MICALL2: variants seen among roughly 807,000 people sequenced by gnomAD.
MICALL2 encodes MICAL-like protein 2.
A neutral mutation model predicts 91.1 loss-of-function variants in MICALL2; 111 were observed. The observed-to-expected ratio is 1.22, with a 90% CI of 1.04 to 1.43. The LOEUF is 1.43. Ranked by LOEUF, MICALL2 falls within the 40% of genes most tolerant of loss-of-function variation. MICALL2 has a pLI of 0.00. For missense variants in MICALL2, 1,556 were observed against 1,236.0 expected (o/e 1.26, Z -3.88); for synonymous variants, 694 against 525.3 (o/e 1.32, Z -4.39).
chr7:1,447,402 G>A (rs941942613), intron 4 of MICALL2, among the ~76,000 whole-genome samples, 173 bp downstream of exon 4: 4 of 152,174 alleles, frequency 2.6e-5, no homozygotes, highest in African/African-American at 9.7e-5. Flanking sequence ...GCTTGATGGA[G>A]CCCTGGAGAG....
chr7:1,439,756 G>A lies in MICALL2; in HGVS notation c.1966+169C>T, dbSNP rs1295234457. The A allele has an allele frequency of 2.9e-5, 14 of 489,202 alleles. 1 individual carries two copies. The highest frequency in any genetic ancestry group is 8.5e-5 in the Admixed American group (2 of 23,392). The allele number at this position is 489,202 out of a possible 1,614,324, so 30.3% of individuals were successfully genotyped here. A position where few individuals can be genotyped will look rare whatever the true frequency, so the allele number is the denominator to read the frequency against. ...ACATGCACACATGCATCACACACATGCACACATGTACACACAAGCCTGCCC... is the reference window on the plus strand; with the variant it reads ...ACATGCACACATGCATCACACACATACACACATGTACACACAAGCCTGCCC... On this transcript the variant is annotated intron_variant, in intron 9 of 16. Coordinates refer to ENST00000297508, the MANE Select transcript of MICALL2 (RefSeq NM_182924.4).
intron 5 of MICALL2, 65 bp from the exon 6 acceptor site, chr7:1,445,493 T>C (rs797019899): frequency 1.4e-6 from 2 of 1,402,080 alleles, no homozygotes; most frequent in South Asian, 1.5e-5. Flanking sequence ...ATTCACCACG[T>C]GCTCCTGATA....
chr7:1,453,028 C>T (rs937963287), intron 1 of MICALL2, among the ~76,000 whole-genome samples: 1 of 151,884 alleles, frequency 6.6e-6, no homozygotes. Context: ...GAGCTCACAC[C>T]CCCGGGGCCC....
At position 1,447,641 on chromosome 7, in the gene MICALL2, A is replaced by C. The variant is rs1421331672; in HGVS notation, c.459T>G (p.Ser153=). 6.3e-7 allele frequency: 1 copy of C among 1,597,010 alleles called. No homozygotes were observed. The highest frequency in any genetic ancestry group is 2.3e-5 in the East Asian group (1 of 44,282). ...GGACCACAGGGTTTGTCTGGGCTGG[A>C]GATAGTGGAGGCTTCCGGGCTGGGG... is the stretch of plus-strand genomic sequence containing the variant. ...SPAPARKPPL[S]PAQTNPVVQR... is the part of the protein sequence containing the mutation. Residue 153 remains serine (S), a synonymous_variant, in exon 4 of 17, where the codon TCT becomes TCG. Transcript: ENST00000297508.
intron 8 of MICALL2, 122 bp from the exon 9 acceptor site, chr7:1,440,207 C>T: frequency 1.7e-6 from 2 of 1,202,048 alleles, no homozygotes; most frequent in Non-Finnish European, 2.3e-6. Flanking sequence ...GAGCAAATGC[C>T]ACCTCCCAGC....
Position 1,446,815 on chromosome 7 carries a change from G to A in MICALL2, c.539C>T (p.Ala180Val), listed in dbSNP as rs75056037. 140,698 of 1,591,462 alleles carry A rather than the reference G, an allele frequency of 0.088. 7,496 individuals carry two copies. Among genetic ancestry groups the A allele is most frequent in the Admixed American group, 0.25 (14,450 of 58,348 alleles). ...GPPPKTDQAL[A>V]GSLVSSTCGV... is the part of the protein sequence containing the mutation. ...GCAGGTGCTGCTGACCAAGCTGCCCGCCAATGCCTGGTCCTGGGGAAGATG... is the reference window on the plus strand; with the variant it reads ...GCAGGTGCTGCTGACCAAGCTGCCCACCAATGCCTGGTCCTGGGGAAGATG... Residue 180 changes from alanine (A) to valine (V), a missense_variant, in exon 5 of 17, where the codon GCG becomes GTG. Physicochemically the swap from Ala to Val is moderately conservative, Grantham distance 64. Coordinates refer to ENST00000297508, the MANE Select transcript of MICALL2 (RefSeq NM_182924.4).
At chr7:1,454,224 C>T (rs1343375690) in intron 1 of MICALL2, among the ~76,000 whole-genome samples, 1 of 151,978 alleles carries the variant, frequency 6.6e-6, no homozygotes, top group African/African-American at 2.4e-5. Context: ...GAGGCACATC[C>T]AGCACATCAG....
intron 9 of MICALL2, chr7:1,439,541 G>T (rs376402241): frequency 7.2e-5 from 15 of 207,584 alleles, no homozygotes; most frequent in Admixed American, 7.2e-4. Flanking sequence ...ACATGGACAC[G>T]CATCACACAT....
At chr7:1,446,666 G>C (rs1780606919) in intron 5 of MICALL2, 47 bp downstream of exon 5, 3 of 1,414,132 alleles carry the variant, frequency 2.1e-6, no homozygotes, top group Middle Eastern at 4.8e-4. Context: ...GGAGGGTTCT[G>C]GGAGGGGAGG....
intron 10 of MICALL2, 25 bp downstream of exon 10, chr7:1,438,815 C>T (rs778670824): frequency 8.8e-6 from 14 of 1,582,258 alleles, no homozygotes; most frequent in Middle Eastern, 1.7e-4. Context: ...ACACCCCAAA[C>T]AGCAGCGGTG....
intron 1 of MICALL2, among the ~76,000 whole-genome samples, chr7:1,455,767 A>G: frequency 6.6e-6 from 1 of 151,994 alleles, no homozygotes; most frequent in East Asian, 1.9e-4. Context: ...TGCGTGCAGC[A>G]GGAAGGACTA....
chr7:1,439,924 C>T lies in MICALL2; in HGVS notation c.1966+1G>A. 1 of 1,461,968 alleles carries T rather than the reference C, an allele frequency of 6.8e-7. No individual in the cohort carries two copies. The highest frequency in any genetic ancestry group is 9.0e-7 in the Non-Finnish European group (1 of 1,112,778). 90.6% of individuals were successfully genotyped at this position (1,461,968 alleles called of 1,614,324 possible). A position where few individuals can be genotyped will look rare whatever the true frequency, so the allele number is the denominator to read the frequency against. On this transcript the variant is annotated splice_donor_variant, in intron 9 of 16. Coordinates refer to ENST00000297508, the MANE Select transcript of MICALL2 (RefSeq NM_182924.4). LOFTEE classifies it high-confidence loss of function. ...GGCCCCTGGGTCCCGTCCAGGAGTA[C>T]CTGGGAGGCTGGGTCCTGGGCTGGC...
rs188553592 is a variant in MICALL2 at position 1,439,058 on chromosome 7, G to A, written c.1967-63C>T. ...CAGGGCCACTGGGAGCCTGGGGTCTGTCCCAGCACAGCCAACAGCTCGCTG... is the reference window on the plus strand; with the variant it reads ...CAGGGCCACTGGGAGCCTGGGGTCTATCCCAGCACAGCCAACAGCTCGCTG... On this transcript the variant is annotated intron_variant, in intron 9 of 16. Coordinates refer to ENST00000297508, the MANE Select transcript of MICALL2 (RefSeq NM_182924.4). 5.8e-4 allele frequency: 777 copies of A among 1,328,542 alleles called. 4 individuals carry two copies. The highest frequency in any genetic ancestry group is 1.1e-3 in the South Asian group (80 of 75,986). 82.3% of individuals were successfully genotyped at this position (1,328,542 alleles called of 1,614,324 possible).
In MICALL2 at chr7:1,439,049, C is replaced by G. The variant is rs140992685; in HGVS notation, c.1967-54G>C. 7.6e-4 allele frequency: 1,087 copies of G among 1,423,878 alleles called. 4 individuals are homozygous for G. In the African/African-American group the frequency reaches 0.013, roughly 17 times the overall value. 88.2% of individuals were successfully genotyped at this position (1,423,878 alleles called of 1,614,324 possible). A position where few individuals can be genotyped will look rare whatever the true frequency, so the allele number is the denominator to read the frequency against. Reference sequence around the variant, plus strand: ...GCTTCAGAGCAGGGCCACTGGGAGCCTGGGGTCTGTCCCAGCACAGCCAAC... The same window carrying G: ...GCTTCAGAGCAGGGCCACTGGGAGCGTGGGGTCTGTCCCAGCACAGCCAAC... On this transcript the variant is annotated intron_variant, in intron 9 of 16. Transcript: ENST00000297508.
chr7:1,453,016 C>A (rs959686891), intron 1 of MICALL2, among the ~76,000 whole-genome samples: 2 of 151,888 alleles, frequency 1.3e-5, no homozygotes, highest in Admixed American at 6.6e-5. Flanking sequence ...CTTGCTGTCC[C>A]CGAGCTCACA....
At position 1,447,787 on chromosome 7, in the gene MICALL2, C is replaced by T. The variant is rs763315093; in HGVS notation, c.335-22G>A. On this transcript the variant is annotated intron_variant, in intron 3 of 16. Coordinates refer to ENST00000297508, the MANE Select transcript of MICALL2 (RefSeq NM_182924.4). The stretch of plus-strand genomic sequence containing the variant: ...CCAACTGGAGGAATCAAGCAGGGAT[C>T]GGGAGGGTCCCAGGCCTGGCTCTGA... 5 of 1,489,322 alleles carry T rather than the reference C, an allele frequency of 3.4e-6. No homozygotes were observed. The Admixed American group carries it at 6.5e-5, about 19-fold the overall frequency. 92.3% of individuals were successfully genotyped at this position (1,489,322 alleles called of 1,614,324 possible). A position where few individuals can be genotyped will look rare whatever the true frequency, so the allele number is the denominator to read the frequency against.
At chr7:1,450,818 C>T (rs1049758955) in intron 1 of MICALL2, among the ~76,000 whole-genome samples, 18 of 152,222 alleles carry the variant, frequency 1.2e-4, no homozygotes, top group Non-Finnish European at 1.0e-4. Flanking sequence ...CCTCGTCCCA[C>T]ACATCATCGC....
rs986050175 is a variant in MICALL2, at chr7:1,459,403, C to T, written c.-77G>A. 9 of 1,324,468 alleles carry T rather than the reference C, an allele frequency of 6.8e-6. No individual in the cohort carries two copies. Among genetic ancestry groups the T allele is most frequent in the South Asian group, 5.4e-5 (3 of 55,172 alleles). The allele number at this position is 1,324,468 out of a possible 1,614,324, so 82.0% of individuals were successfully genotyped here. On this transcript the variant is annotated 5_prime_UTR_variant, in exon 1 of 17. Coordinates refer to ENST00000297508, the MANE Select transcript of MICALL2 (RefSeq NM_182924.4). ...GGCTGTGCCGCGACCGCCCGGCCGG[C>T]GGGACAGACGCTGGGACCGCTACGG...
At position 1,445,131 on chromosome 7, in the gene MICALL2, G is replaced by T. The variant is rs746091018; in HGVS notation, c.939C>A (p.Ser313=). Reference sequence around the variant, plus strand: ...GCCTGGCTGGGCTCCTCACGTGGACGGACGTGGCGCTGGTGGCTGCAGGGT... The same window carrying T: ...GCCTGGCTGGGCTCCTCACGTGGACTGACGTGGCGCTGGTGGCTGCAGGGT... ...APNPAATSAT[S]VHVRSPARPS... The change falls in exon 6 of 17, where the codon TCC becomes TCA. Residue 313 remains serine (S), a synonymous_variant. Coordinates refer to ENST00000297508, the MANE Select transcript of MICALL2 (RefSeq NM_182924.4). 2 of 1,562,430 alleles carry T rather than the reference G, an allele frequency of 1.3e-6. No homozygotes were observed. The highest frequency in any genetic ancestry group is 1.7e-6 in the Non-Finnish European group (2 of 1,154,432).
Sources: gnomAD v4.1 joint callset for allele counts (sites outside exome capture counted in the v4.1 genomes callset) on GRCh38, gnomAD v4.1.1 for gene constraint, MANE v1.5 for transcripts, NCBI Gene and HGNC (gene_info 2026-07-23, HGNC 2026-07-21) for gene names.